Variants in NCKAP1L observed in about 807,000 individuals in gnomAD.
The protein encoded by NCKAP1L is NCK associated protein 1 like.
NCKAP1L carries 53 observed loss-of-function variants against 139.2 expected under a neutral mutation model. The observed-to-expected ratio is 0.38, with a 90% CI of 0.31 to 0.48. The LOEUF is 0.48. NCKAP1L is among the 20% of genes least tolerant of loss of function. The probability of loss-of-function intolerance (pLI) is 0.98; values close to 1 mark genes in which losing one functional copy is unlikely to be tolerated. For synonymous variants in NCKAP1L, 468 were observed against 499.7 expected (o/e 0.94, Z 0.85); for missense variants, 1,151 against 1,381.9 (o/e 0.83, Z 2.65).
intron 3 of NCKAP1L, 77 bp downstream of exon 3, chr12:54,500,702 G>A: frequency 1.1e-6 from 1 of 928,490 alleles, no homozygotes; most frequent in African/African-American, 1.7e-5. Context: ...TCATGTATTT[G>A]CTTAAAACAA....
chr12:54,528,631 CTTT>C (rs1187000572), intron 22 of NCKAP1L, among the ~76,000 whole-genome samples: 1 of 142,982 alleles, frequency 7.0e-6, no homozygotes, highest in Non-Finnish European at 1.5e-5. Flanking sequence ...TCTTCTTCTT[CTTT>C]TTTTTTTTTG....
In NCKAP1L at chr12:54,528,235, C is replaced by T. The variant is rs1440318334; in HGVS notation, c.2376-12C>T. On this transcript the variant is annotated splice_polypyrimidine_tract_variant and intron_variant, in intron 21 of 30. Transcript: ENST00000293373. Reference sequence around the variant, plus strand: ...TGGATCCTAATCTATGTTTTCTTGGCCAACCCTGTAGGTACCTGGAAAGTC... The same window carrying T: ...TGGATCCTAATCTATGTTTTCTTGGTCAACCCTGTAGGTACCTGGAAAGTC... 1.2e-6 allele frequency: 2 copies of T among 1,612,470 alleles called. No individual in the cohort carries two copies. The highest frequency in any genetic ancestry group is 8.5e-7 in the Non-Finnish European group (1 of 1,179,124).
Position 54,532,185 on chromosome 12 carries a change from T to C in NCKAP1L, c.2797T>C (p.Cys933Arg). The C allele has an allele frequency of 6.2e-7, 1 of 1,612,998 alleles. No homozygotes were observed. Among genetic ancestry groups the C allele is most frequent in the Non-Finnish European group, 8.5e-7 (1 of 1,179,424 alleles). Residue 933 changes from cysteine to arginine, a missense_variant, in exon 26 of 31, where the codon TGC becomes CGC. Cys to Arg is a radical substitution (Grantham distance 180). Coordinates refer to ENST00000293373, the MANE Select transcript of NCKAP1L (RefSeq NM_005337.5). The part of the protein sequence containing the change: ...EGLREVFSSH[C>R]PFLMGPIECL... Reference sequence around the variant, plus strand: ...TTTCCTCCAGGTTTTCTCCTCCCACTGCCCATTTCTTATGGGTCCCATTGA... The same window carrying C: ...TTTCCTCCAGGTTTTCTCCTCCCACCGCCCATTTCTTATGGGTCCCATTGA...
chr12:54,534,466 C>A (rs1258197747), intron 26 of NCKAP1L, among the ~76,000 whole-genome samples: 1 of 152,150 alleles, frequency 6.6e-6, no homozygotes, highest in Non-Finnish European at 1.5e-5. Context: ...ATAACTAACA[C>A]CAGATGCTGT....
intron 22 of NCKAP1L, among the ~76,000 whole-genome samples, chr12:54,529,254 G>A (rs1009961899): frequency 2.6e-5 from 4 of 152,100 alleles, no homozygotes; most frequent in Non-Finnish European, 5.9e-5. Flanking sequence ...ACTGTACAGC[G>A]CTGCCTTCCA....
chr12:54,537,977 C>G (rs1957125998), intron 29 of NCKAP1L, among the ~76,000 whole-genome samples: 1 of 152,182 alleles, frequency 6.6e-6, no homozygotes, highest in African/African-American at 2.4e-5. Context: ...ATTTTCCATT[C>G]TAAATCCTCC....
chr12:54,509,779 A>G lies in NCKAP1L; in HGVS notation c.597+20A>G. On this transcript the variant is annotated intron_variant, in intron 6 of 30. Transcript: ENST00000293373. The stretch of plus-strand genomic sequence containing the variant: ...ACAAAGGCAAGTTCCCTGACAATGG[A>G]GAATTCCTCAGGCAAAAGTATATTG... The G allele has an allele frequency of 6.2e-7, 1 of 1,614,138 alleles. No individual in the cohort carries two copies. Among genetic ancestry groups the G allele is most frequent in the South Asian group, 1.1e-5 (1 of 91,086 alleles).
chr12:54,514,795 T>C (rs1026756292), intron 9 of NCKAP1L, among the ~76,000 whole-genome samples: 1 of 152,196 alleles, frequency 6.6e-6, no homozygotes, highest in African/African-American at 2.4e-5. Context: ...AGTATTGTCA[T>C]TAAAAACCAT....
intron 7 of NCKAP1L, among the ~76,000 whole-genome samples, chr12:54,511,155 A>T (rs2120901176): frequency 6.6e-6 from 1 of 152,354 alleles, no homozygotes; most frequent in South Asian, 2.1e-4. Flanking sequence ...CATCACAGGG[A>T]GAAATCATGA....
chr12:54,539,331 T>G (rs755434147), intron 30 of NCKAP1L, among the ~76,000 whole-genome samples: 2 of 152,190 alleles, frequency 1.3e-5, no homozygotes, highest in Non-Finnish European at 2.9e-5. Flanking sequence ...TTTCTACCAC[T>G]GCATTTCTTG....
At position 54,528,316 on chromosome 12, in the gene NCKAP1L, C is replaced by A; in HGVS notation, c.2445C>A (p.Phe815Leu). 1 of 1,614,012 alleles carries A rather than the reference C, an allele frequency of 6.2e-7. No individual in the cohort carries two copies. The highest frequency in any genetic ancestry group is 1.1e-5 in the South Asian group (1 of 91,072). The change falls in exon 22 of 31, where the codon TTC becomes TTA. Residue 815 changes from phenylalanine to leucine, a missense_variant. By Grantham distance (22) the Phe-to-Leu change is conservative (BLOSUM62 0). Transcript: ENST00000293373. ...TCCTCTCCCCAGCCATGCAGGCCTT[C>A]GTCAGCCTGCCCAGAGAAGGGGAGC... ...TIILSPAMQA[F>L]VSLPREGEQN...
At chr12:54,527,228 G>A (rs1957033646) in intron 21 of NCKAP1L, among the ~76,000 whole-genome samples, 4 of 152,184 alleles carry the variant, frequency 2.6e-5, no homozygotes, top group Admixed American at 2.6e-4. Context: ...GTGGGAATCA[G>A]CACTGTTTCC....
intron 20 of NCKAP1L, among the ~76,000 whole-genome samples, chr12:54,524,676 T>C (rs964156803): frequency 1.3e-5 from 2 of 152,174 alleles, no homozygotes; most frequent in Non-Finnish European, 1.5e-5. Context: ...TATACAGCAA[T>C]ATACGAAACA....
At chr12:54,532,319 T>C in intron 26 of NCKAP1L, 69 bp downstream of exon 26, 1 of 1,317,432 alleles carries the variant, frequency 7.6e-7, no homozygotes, top group South Asian at 1.3e-5. Context: ...AGCTAGGATC[T>C]TGTAAGGGAG....
chr12:54,528,450 G>A (rs1269088262), intron 22 of NCKAP1L, 73 bp downstream of exon 22: 24 of 1,543,634 alleles, frequency 1.6e-5, no homozygotes, highest in Non-Finnish European at 2.1e-5. Context: ...AAAAGACTAG[G>A]ACATGTATTT....
chr12:54,518,544 C>T, intron 13 of NCKAP1L, 107 bp from the exon 14 acceptor site: 1 of 893,060 alleles, frequency 1.1e-6, no homozygotes. Flanking sequence ...CTGTTTTTAA[C>T]ACTTAGCAAT....
At position 54,518,476 on chromosome 12, in the gene NCKAP1L, T is replaced by C; in HGVS notation, c.1339-175T>C. On this transcript the variant is annotated intron_variant, in intron 13 of 30. Coordinates refer to ENST00000293373, the MANE Select transcript of NCKAP1L (RefSeq NM_005337.5). Reference sequence around the variant, plus strand: ...GAGAGAAAAATAAAGAGAAACTGGATGTTAGAATGGCAGGGAACCCGGAAA... The same window carrying C: ...GAGAGAAAAATAAAGAGAAACTGGACGTTAGAATGGCAGGGAACCCGGAAA... 4.4e-6 allele frequency: 3 copies of C among 681,026 alleles called. No homozygotes were observed. In the Admixed American group the frequency reaches 6.6e-5, roughly 15 times the overall value. 42.2% of individuals were successfully genotyped at this position (681,026 alleles called of 1,614,324 possible).
intron 22 of NCKAP1L, among the ~76,000 whole-genome samples, chr12:54,528,749 C>G (rs1957045739): frequency 6.6e-6 from 1 of 151,934 alleles, no homozygotes; most frequent in South Asian, 2.1e-4. Flanking sequence ...CCTCAGCCTC[C>G]CGAATAGCTG....
Position 54,546,643 on chromosome 12 carries a change from C to G in NCKAP1L, c.*3958C>G, listed in dbSNP as rs1199763439. On this transcript the variant is annotated 3_prime_UTR_variant, in exon 31 of 31. Transcript: ENST00000293373. ...TTGGGGGAAGAGTGTTCTTCCAGTCCTCCTCCCCACAGGGCCTCCTGCTTC... is the reference window on the plus strand; with the variant it reads ...TTGGGGGAAGAGTGTTCTTCCAGTCGTCCTCCCCACAGGGCCTCCTGCTTC... The G allele has an allele frequency of 6.6e-6, 1 of 152,160 alleles. No homozygotes were observed. The highest frequency in any genetic ancestry group is 6.5e-5 in the Admixed American group (1 of 15,276). 9.4% of individuals were successfully genotyped at this position (152,160 alleles called of 1,614,324 possible).
Sources: gnomAD v4.1 joint callset for allele counts (sites outside exome capture counted in the v4.1 genomes callset) on GRCh38, gnomAD v4.1.1 for gene constraint, MANE v1.5 for transcripts, NCBI Gene and HGNC (gene_info 2026-07-23, HGNC 2026-07-21) for gene names.